NTMT1: variants seen among roughly 807,000 people sequenced by gnomAD.
The protein encoded by NTMT1 is N-terminal RCC1 methyltransferase.
In NTMT1, 8 loss-of-function variants were observed where a neutral mutation model predicts 17.5. The observed-to-expected ratio is 0.46, with a 90% CI of 0.27 to 0.82. The LOEUF (loss-of-function observed/expected upper bound fraction) is 0.82, where lower values mean the gene tolerates loss of function less well. NTMT1 is among the 40% of genes least tolerant of loss of function. NTMT1 has a pLI of 0.15. For synonymous variants in NTMT1, 128 were observed against 126.8 expected, an observed-to-expected ratio of 1.01 and a Z score of -0.06; for missense variants, 221 against 303.5, an observed-to-expected ratio of 0.73 and a Z score of 2.02.
chr9:129,623,638 G>A (rs147019913), upstream of NTMT1, among the ~76,000 whole-genome samples: 190 of 152,268 alleles, frequency 1.2e-3, 3 homozygotes, highest in Middle Eastern at 3.4e-3. Context: ...ACTAGAGAAC[G>A]CGTCGCCAAA....
At chr9:129,621,130 A>G (rs1196060189) in intron 1 of NTMT1, among the ~76,000 whole-genome samples, 1 of 152,230 alleles carries the variant, frequency 6.6e-6, no homozygotes, top group Non-Finnish European at 1.5e-5. Context: ...TGCAGTGTTC[A>G]AAGCGTGGAA....
At chr9:129,615,404 A>G in intron 1 of NTMT1, 1 of 1,414,290 alleles carries the variant, frequency 7.1e-7, no homozygotes, top group South Asian at 1.4e-5. Flanking sequence ...CCCTCACTCT[A>G]GGGGCCCGGA....
chr9:129,624,185 A>G (rs951619475), upstream of NTMT1, among the ~76,000 whole-genome samples: 8 of 152,172 alleles, frequency 5.3e-5, no homozygotes, highest in African/African-American at 1.4e-4. Flanking sequence ...GAATTCAGAG[A>G]TGCCAGAGGC....
chr9:129,635,722 C>T lies in NTMT1; in HGVS notation c.*258C>T. The stretch of plus-strand genomic sequence containing the variant: ...AGATGGGATTGGGTGGAAGGGGCTC[C>T]AGGGCTCCTGGTGCTCCCCATGTGG... On this transcript the variant is annotated 3_prime_UTR_variant, in exon 4 of 4. Transcript: ENST00000372483. 1 of 450,172 alleles carries T rather than the reference C, an allele frequency of 2.2e-6. No homozygotes were observed. Among genetic ancestry groups the T allele is most frequent in the South Asian group, 3.1e-5 (1 of 32,130 alleles). 27.9% of individuals were successfully genotyped at this position (450,172 alleles called of 1,614,324 possible).
rs372754318 is a variant in NTMT1, at chr9:129,613,410, C to T, written c.-55+4232C>T. On this transcript the variant is annotated intron_variant, in intron 1 of 3. Coordinates refer to the NTMT1 transcript ENST00000372486. This position sits in a 1 kb window ranked among gnomAD's most constrained non-coding sequence, Gnocchi z 6.2. ...GAGGGCCCTGGCAATGTCCACGAGT[C>T]CCATCCGCTTCCCTGGAGCCTCACA... 358 of 1,610,498 alleles carry T rather than the reference C, an allele frequency of 2.2e-4. 5 individuals carry two copies. The East Asian group carries it at 5.0e-3, about 22-fold the overall frequency.
intron 1 of NTMT1, among the ~76,000 whole-genome samples, chr9:129,610,222 GAAAGGGGGAGGGA>G (rs1830079954): frequency 7.0e-4 from 32 of 45,434 alleles, no homozygotes; most frequent in African/African-American, 3.9e-3. Flanking sequence ...AGGGGGAGGG[GAAAGGGGGAGGGA>G]GAGGGGAAAG....
At chr9:129,619,520 T>G (rs149618149) in intron 1 of NTMT1, 1 of 1,610,376 alleles carries the variant, frequency 6.2e-7, no homozygotes, top group East Asian at 2.2e-5. Flanking sequence ...CATCACTCAC[T>G]GGTTGGCCTT....
chr9:129,627,883 G>A (rs1588134784), intron 1 of NTMT1, among the ~76,000 whole-genome samples: 1 of 152,358 alleles, frequency 6.6e-6, no homozygotes, highest in South Asian at 2.1e-4. Flanking sequence ...GACTGCAAAA[G>A]TCTGCCGGTG....
rs1453719951 is a variant in NTMT1 at position 129,634,113 on chromosome 9, G to T, written c.222G>T (p.Arg74Ser). The T allele has an allele frequency of 6.2e-7, 1 of 1,614,052 alleles. No individual in the cohort carries two copies. Among genetic ancestry groups the T allele is most frequent in the East Asian group, 2.2e-5 (1 of 44,892 alleles). Residue 74 changes from arginine to serine, a missense_variant, in exon 3 of 4, where the codon AGG (arginine) becomes AGT (serine). By Grantham distance (110) the Arg-to-Ser change is moderately radical. Coordinates refer to ENST00000372483, the MANE Select transcript of NTMT1 (RefSeq NM_014064.4). ...CALDCGAGIG[R>S]ITKRLLLPLF... ...TGGACTGTGGAGCTGGCATTGGGAG[G>T]ATCACCAAGCGGCTGCTCCTGCCGC... is the stretch of plus-strand genomic sequence containing the variant.
chr9:129,623,372 A>G (rs894040353), upstream of NTMT1, among the ~76,000 whole-genome samples: 18 of 151,064 alleles, frequency 1.2e-4, no homozygotes, highest in Non-Finnish European at 2.4e-4. Flanking sequence ...GAAGGAAGAA[A>G]AGAAATTAAC....
chr9:129,634,893 G>A (rs1831433616), intron 3 of NTMT1: 1 of 365,506 alleles, frequency 2.7e-6, no homozygotes, highest in Non-Finnish European at 5.1e-6. Flanking sequence ...TCTTAGCCCA[G>A]GTTCACTCCT....
rs995430414 is a variant in NTMT1 at position 129,635,810 on chromosome 9, G to A, written c.*346G>A. 1.6e-5 allele frequency: 4 copies of A among 248,166 alleles called. No individual in the cohort carries two copies. The highest frequency in any genetic ancestry group is 2.5e-3 in the Middle Eastern group (2 of 814). The allele number at this position is 248,166 out of a possible 1,614,324, so 15.4% of individuals were successfully genotyped here. ...CTCCAGCCCGGCCTTCCAGCCATGG[G>A]CCTGGCTGCCTGAAGAGGAAGGAAA... On this transcript the variant is annotated 3_prime_UTR_variant, in exon 4 of 4. Coordinates refer to ENST00000372483, the MANE Select transcript of NTMT1 (RefSeq NM_014064.4).
At chr9:129,619,620 G>A in intron 1 of NTMT1, 1 of 1,614,050 alleles carries the variant, frequency 6.2e-7, no homozygotes, top group Non-Finnish European at 8.5e-7. Flanking sequence ...CTATCCTGGA[G>A]GTGCGATGAC....
At chr9:129,615,628 C>T in intron 1 of NTMT1, 1 of 1,580,222 alleles carries the variant, frequency 6.3e-7, no homozygotes, top group South Asian at 1.1e-5. Flanking sequence ...AGCCTGGGGA[C>T]CTGTGCACCG....
In NTMT1 at chr9:129,635,560, G is replaced by A. The variant is rs1831503616; in HGVS notation, c.*96G>A. The A allele has an allele frequency of 7.1e-7, 1 of 1,406,144 alleles. No homozygotes were observed. The highest frequency in any genetic ancestry group is 1.4e-5 in the African/African-American group (1 of 70,178). 87.1% of individuals were successfully genotyped at this position (1,406,144 alleles called of 1,614,324 possible). A position where few individuals can be genotyped will look rare whatever the true frequency, so the allele number is the denominator to read the frequency against. On this transcript the variant is annotated 3_prime_UTR_variant, in exon 4 of 4. Coordinates refer to ENST00000372483, the MANE Select transcript of NTMT1 (RefSeq NM_014064.4). ...GGCGCCACGCTGGCGGTTCGTGAGT[G>A]TCGAGGCACCACTAAATATAGCTGT...
intron 1 of NTMT1, chr9:129,615,682 C>T (rs781389485): frequency 5.4e-6 from 8 of 1,490,688 alleles, no homozygotes; most frequent in Non-Finnish European, 2.7e-6. Flanking sequence ...GCTCGAAGCC[C>T]CCCACCGTAC....
rs1340310411 is a variant in NTMT1, at chr9:129,620,542, C to A, written c.-55+11364C>A. 7.1e-7 allele frequency: 1 copy of A among 1,406,234 alleles called. No homozygotes were observed. Among genetic ancestry groups the A allele is most frequent in the Non-Finnish European group, 9.3e-7 (1 of 1,076,780 alleles). The allele number at this position is 1,406,234 out of a possible 1,614,324, so 87.1% of individuals were successfully genotyped here. On this transcript the variant is annotated intron_variant, in intron 1 of 3. Coordinates refer to the NTMT1 transcript ENST00000372486. The surrounding 1 kb of genome is among the most constrained non-coding windows in gnomAD (Gnocchi z 5.8). ...CAGGGAGCCCCTTGGGCGCCAGGTC[C>A]TGGGCCCCTGGGCGAAGTCGACGCC...
chr9:129,618,915 C>T (rs1314056623), intron 1 of NTMT1, among the ~76,000 whole-genome samples: 1 of 149,694 alleles, frequency 6.7e-6, no homozygotes, highest in Non-Finnish European at 1.5e-5. Flanking sequence ...GGGGTTTCAC[C>T]GTGTTATCCA....
At chr9:129,615,623 G>A (rs1467437452) in intron 1 of NTMT1, 8 of 1,585,290 alleles carry the variant, frequency 5.0e-6, no homozygotes, top group Non-Finnish European at 6.8e-6. Flanking sequence ...CCTTGAGCCT[G>A]GGGACCTGTG....
Sources: allele counts gnomAD v4.1 joint callset (sites outside exome capture counted in the v4.1 genomes callset), GRCh38; gene constraint gnomAD v4.1.1; non-coding constraint Gnocchi (gnomAD v3.1); transcripts MANE v1.5; gene names NCBI Gene and HGNC (gene_info 2026-07-23, HGNC 2026-07-21).